Variants in PTP4A1 observed in about 807,000 individuals in gnomAD.
PTP4A1 encodes the protein protein tyrosine phosphatase type IVA 1.
PTP4A1 carries 9 observed loss-of-function variants against 20.5 expected under a neutral mutation model. The observed-to-expected ratio is 0.44, with a 90% CI of 0.26 to 0.77. The LOEUF is 0.77. PTP4A1 is among the 30% of genes least tolerant of loss of function. The pLI is 0.19. For missense variants in PTP4A1, 137 were observed against 218.8 expected (o/e 0.63, Z 2.36); for synonymous variants, 78 against 67.4 (o/e 1.16, Z -0.77).
chr6:63,558,418 T>C (rs1200436514), intron 3 of PTP4A1, among the ~76,000 whole-genome samples: 1 of 152,106 alleles, frequency 6.6e-6, no homozygotes, highest in Non-Finnish European at 1.5e-5. Flanking sequence ...TAGAATGTGG[T>C]AGCCAGTCAG....
upstream of PTP4A1, among the ~76,000 whole-genome samples, chr6:63,521,210 C>A (rs1394593031): frequency 1.3e-5 from 2 of 151,592 alleles, no homozygotes; most frequent in African/African-American, 2.4e-5. Flanking sequence ...GCACATGTAG[C>A]CCAAAACTTA....
intron 2 of PTP4A1, among the ~76,000 whole-genome samples, chr6:63,546,786 TTAATAA>T (rs1387543875): frequency 6.6e-6 from 1 of 152,140 alleles, no homozygotes; most frequent in Non-Finnish European, 1.5e-5. Flanking sequence ...GTGACTATAG[TTAATAA>T]TAATGTGTTA....
chr6:63,557,841 G>C (rs1776754690), intron 3 of PTP4A1, among the ~76,000 whole-genome samples: 1 of 152,020 alleles, frequency 6.6e-6, no homozygotes, highest in Admixed American at 6.6e-5. Flanking sequence ...AGGATTTTGA[G>C]AAAGAGGATA....
At chr6:63,534,714 G>A (rs1256151166) in intron 2 of PTP4A1, among the ~76,000 whole-genome samples, 5 of 150,956 alleles carry the variant, frequency 3.3e-5, no homozygotes, top group African/African-American at 9.9e-5. Flanking sequence ...TTGGGAGGCT[G>A]AGGCAGGTGG....
chr6:63,537,927 AG>A (rs1775792993), intron 2 of PTP4A1, among the ~76,000 whole-genome samples: 1 of 152,244 alleles, frequency 6.6e-6, no homozygotes, highest in Admixed American at 6.5e-5. Context: ...CCCAGACAGG[AG>A]TTTAAAAGAA....
At chr6:63,544,916 C>T (rs917101549) in intron 2 of PTP4A1, among the ~76,000 whole-genome samples, 1 of 152,110 alleles carries the variant, frequency 6.6e-6, no homozygotes, top group Non-Finnish European at 1.5e-5. Flanking sequence ...ATTAATGTCT[C>T]CGAAGAGATA....
intron 2 of PTP4A1, among the ~76,000 whole-genome samples, chr6:63,541,112 T>C (rs1165029829): frequency 6.6e-6 from 1 of 151,582 alleles, no homozygotes; most frequent in Non-Finnish European, 1.5e-5. Flanking sequence ...AACTAAGGAG[T>C]ATAATTAACT....
chr6:63,555,312 G>A (rs915262832), intron 3 of PTP4A1, among the ~76,000 whole-genome samples: 1 of 152,154 alleles, frequency 6.6e-6, no homozygotes, highest in African/African-American at 2.4e-5. Context: ...AGGAACTTCG[G>A]AGAGTTCCCT....
At chr6:63,579,635 C>T (rs1176354803) in intron 5 of PTP4A1, among the ~76,000 whole-genome samples, 5 of 152,156 alleles carry the variant, frequency 3.3e-5, no homozygotes, top group Admixed American at 6.5e-5. Context: ...ATAAAATGCA[C>T]AGGTCTCCAA....
chr6:63,535,392 A>AGAGTGTT (rs1177017512), intron 2 of PTP4A1, among the ~76,000 whole-genome samples: 1 of 151,806 alleles, frequency 6.6e-6, no homozygotes, highest in Non-Finnish European at 1.5e-5. Context: ...TCACTTGAAC[A>AGAGTGTT]GGGAGGCAGA....
intron 3 of PTP4A1, among the ~76,000 whole-genome samples, chr6:63,558,193 G>C (rs555839089): frequency 7.2e-4 from 109 of 152,168 alleles, no homozygotes; most frequent in African/African-American, 2.5e-3. Flanking sequence ...TAAAATGCAG[G>C]GTGGATTAAA....
chr6:63,541,570 A>G (rs1417289362), intron 2 of PTP4A1, among the ~76,000 whole-genome samples: 1 of 152,158 alleles, frequency 6.6e-6, no homozygotes, highest in Non-Finnish European at 1.5e-5. Flanking sequence ...TCTGAAAGGA[A>G]TCTAGCACTA....
intron 2 of PTP4A1, among the ~76,000 whole-genome samples, chr6:63,542,057 GTGTGTA>G (rs1335234383): frequency 7.4e-4 from 106 of 143,452 alleles, no homozygotes; most frequent in African/African-American, 2.7e-3. Flanking sequence ...GTGTGTGTGT[GTGTGTA>G]TACATACACA....
intron 3 of PTP4A1, among the ~76,000 whole-genome samples, chr6:63,552,930 A>G (rs776646453): frequency 3.9e-5 from 6 of 152,154 alleles, no homozygotes; most frequent in Non-Finnish European, 8.8e-5. Flanking sequence ...GTAGCCTTGT[A>G]GTATAGTTTG....
intron 1 of PTP4A1, among the ~76,000 whole-genome samples, chr6:63,525,895 T>C (rs1446987018): frequency 2.0e-5 from 3 of 152,230 alleles, no homozygotes; most frequent in Admixed American, 6.5e-5. Context: ...ATTTGAGTTC[T>C]AGTGAGTTGG....
intron 3 of PTP4A1, among the ~76,000 whole-genome samples, chr6:63,553,459 G>A (rs1415577156): frequency 1.3e-5 from 2 of 152,186 alleles, no homozygotes; most frequent in Non-Finnish European, 2.9e-5. Flanking sequence ...AGTTACATGG[G>A]TGGCCTAAAA....
At chr6:63,567,087 G>A (rs1187620490) in intron 3 of PTP4A1, among the ~76,000 whole-genome samples, 1 of 152,108 alleles carries the variant, frequency 6.6e-6, no homozygotes, top group Non-Finnish European at 1.5e-5. Context: ...CACCATATTT[G>A]TAGTGATTTC....
intron 2 of PTP4A1, among the ~76,000 whole-genome samples, chr6:63,543,202 T>C (rs1463157462): frequency 6.6e-6 from 1 of 152,210 alleles, no homozygotes; most frequent in Non-Finnish European, 1.5e-5. Context: ...TTGCCAGACT[T>C]GTCCCTGTTT....
At chr6:63,531,228 T>C (rs1037271242) in intron 2 of PTP4A1, among the ~76,000 whole-genome samples, 1 of 152,138 alleles carries the variant, frequency 6.6e-6, no homozygotes, top group African/African-American at 2.4e-5. Flanking sequence ...GCAGAGACTG[T>C]CCACCTCTAA....
Sources: allele counts gnomAD v4.1 joint callset (sites outside exome capture counted in the v4.1 genomes callset), GRCh38; gene constraint gnomAD v4.1.1; transcripts MANE v1.5; gene names NCBI Gene and HGNC (gene_info 2026-07-23, HGNC 2026-07-21).